PTGFRN: variants seen among roughly 807,000 people sequenced by gnomAD.
PTGFRN encodes prostaglandin F2 receptor negative regulator.
PTGFRN carries 35 observed loss-of-function variants against 83.2 expected under a neutral mutation model. That is an observed-to-expected ratio of 0.42 (90% confidence interval 0.32 to 0.56). PTGFRN has a LOEUF of 0.56. PTGFRN is among the 20% of genes least tolerant of loss of function. The pLI is 0.11. For synonymous variants in PTGFRN, 519 were observed against 498.6 expected (o/e 1.04, Z -0.55); for missense variants, 1,051 against 1,179.5 (o/e 0.89, Z 1.60).
intron 6 of PTGFRN, among the ~76,000 whole-genome samples, chr1:116,971,826 G>T (rs1409496837): frequency 1.3e-5 from 2 of 152,230 alleles, no homozygotes; most frequent in Non-Finnish European, 2.9e-5. Flanking sequence ...TTCGAATTAA[G>T]TAAGTCTTCT....
intron 1 of PTGFRN, among the ~76,000 whole-genome samples, chr1:116,911,160 G>A (rs899917274): frequency 2.0e-5 from 3 of 152,104 alleles, no homozygotes; most frequent in African/African-American, 7.2e-5. Context: ...TGCCCACCAT[G>A]GTACCCCAGG....
At chr1:116,914,817 G>A (rs375443230) in intron 1 of PTGFRN, among the ~76,000 whole-genome samples, 18 of 151,160 alleles carry the variant, frequency 1.2e-4, no homozygotes, top group East Asian at 5.8e-4. Context: ...CCTGCCTAAC[G>A]TGTGTGTGTC....
chr1:116,922,863 A>G (rs1214382892), intron 1 of PTGFRN, among the ~76,000 whole-genome samples: 3 of 152,248 alleles, frequency 2.0e-5, no homozygotes, highest in Non-Finnish European at 2.9e-5. Context: ...ACTGGAAGAT[A>G]GATGCACACA....
chr1:116,946,327 A>C (rs530076451), intron 3 of PTGFRN, among the ~76,000 whole-genome samples: 4 of 152,128 alleles, frequency 2.6e-5, no homozygotes, highest in Non-Finnish European at 5.9e-5. Context: ...GAGGTTCTTG[A>C]GTGACTATGG....
intron 8 of PTGFRN, 99 bp downstream of exon 8, chr1:116,985,084 G>A (rs188880298): frequency 1.6e-6 from 2 of 1,240,730 alleles, no homozygotes; most frequent in Admixed American, 4.2e-5. Context: ...TGAGGAATGT[G>A]CCATAGCACG....
rs1570685490 is a variant in PTGFRN at position 116,987,237 on chromosome 1, A to T, written c.*270A>T. 5.7e-6 allele frequency: 2 copies of T among 348,912 alleles called. No homozygotes were observed. The highest frequency in any genetic ancestry group is 5.3e-6 in the Non-Finnish European group (1 of 187,810). The allele number at this position is 348,912 out of a possible 1,614,324, so 21.6% of individuals were successfully genotyped here. On this transcript the variant is annotated 3_prime_UTR_variant, in exon 9 of 9. Transcript: ENST00000393203. Reference sequence around the variant, plus strand: ...CTTTTTAATGGTTAACCTTCATCTAATTTTTTTTCTCCCACTGGTTTATAG... The same window carrying T: ...CTTTTTAATGGTTAACCTTCATCTATTTTTTTTTCTCCCACTGGTTTATAG...
At chr1:116,930,044 CATT>C (rs1379288224) in intron 1 of PTGFRN, among the ~76,000 whole-genome samples, 4 of 152,190 alleles carry the variant, frequency 2.6e-5, no homozygotes, top group Non-Finnish European at 2.9e-5. Flanking sequence ...GCATGTTTGA[CATT>C]GTTGTTCATT....
At position 116,944,719 on chromosome 1, in the gene PTGFRN, C is replaced by G; in HGVS notation, c.459C>G (p.Pro153=). The G allele has an allele frequency of 4.8e-6, 7 of 1,452,286 alleles. No homozygotes were observed. Among genetic ancestry groups the G allele is most frequent in the South Asian group, 1.5e-5 (1 of 66,906 alleles). 90.0% of individuals were successfully genotyped at this position (1,452,286 alleles called of 1,614,324 possible). The change falls in exon 3 of 9, where the codon CCC becomes CCG. Residue 153 remains proline (P), a synonymous_variant. Coordinates refer to ENST00000393203, the MANE Select transcript of PTGFRN (RefSeq NM_020440.4). ...TGCACGTGGGCCCCAGCGCGCGGCC[C>G]CCGCCGAGCCTGAGCCTGCGGGAGG... ...DSLHVGPSAR[P]PPSLSLREGE...
chr1:116,974,296 A>G lies in PTGFRN; in HGVS notation c.2140A>G (p.Thr714Ala). The change falls in exon 7 of 9, where the codon ACT becomes GCT. Residue 714 changes from threonine to alanine, a missense_variant. This residue lies in a region of PTGFRN where 719 missense variants were observed against 836.6 expected (regional missense o/e 0.86). Transcript: ENST00000393203. ...TCTGATCAAATTGTTCTGTATCATC[A>G]CTGTCGAGGGAGCAGCACTGGATCC... ...GDLIKLFCII[T>A]VEGAALDPDD... The G allele has an allele frequency of 1.2e-6, 2 of 1,612,236 alleles. No homozygotes were observed. The highest frequency in any genetic ancestry group is 1.7e-6 in the Non-Finnish European group (2 of 1,178,290).
chr1:116,919,397 T>G (rs753091451), intron 1 of PTGFRN, among the ~76,000 whole-genome samples: 152 of 152,210 alleles, frequency 1.0e-3, no homozygotes, highest in Admixed American at 2.4e-3. Context: ...ACTACGCTTT[T>G]CTTTTCTTTT....
Position 116,977,574 on chromosome 1 carries a change from A to G in PTGFRN, c.2167+3251A>G, listed in dbSNP as rs185332677. ...GAACTCAGGTTAAGAAACTCACTCA[A>G]AATCGCTCAACTACATGGAAACTGA... On this transcript the variant is annotated intron_variant, in intron 7 of 8. Coordinates refer to ENST00000393203, the MANE Select transcript of PTGFRN (RefSeq NM_020440.4). Among the ~76,000 whole-genome samples, 212 of 152,344 alleles carry G rather than the reference A, an allele frequency of 1.4e-3. 2 individuals are homozygous for G. The highest frequency in any genetic ancestry group is 4.8e-3 in the African/African-American group (200 of 41,582).
chr1:116,926,090 G>A (rs1649652349), intron 1 of PTGFRN, among the ~76,000 whole-genome samples: 1 of 152,180 alleles, frequency 6.6e-6, no homozygotes, highest in Admixed American at 6.5e-5. Context: ...TGGGGAGGAG[G>A]GGTGGATGAG....
intron 1 of PTGFRN, among the ~76,000 whole-genome samples, chr1:116,937,628 A>G (rs1425860305): frequency 1.3e-5 from 2 of 152,212 alleles, no homozygotes; most frequent in Non-Finnish European, 2.9e-5. Context: ...ATCAGTTTCT[A>G]AAGCTCTGAT....
Position 116,988,857 on chromosome 1 carries a change from G to A in PTGFRN, c.*1890G>A, listed in dbSNP as rs1211924966. Reference sequence around the variant, plus strand: ...CGGGCAACAAGTATACCCCACCAGGGCCTGAGTGACTAGAGGAAGAGGACG... The same window carrying A: ...CGGGCAACAAGTATACCCCACCAGGACCTGAGTGACTAGAGGAAGAGGACG... On this transcript the variant is annotated 3_prime_UTR_variant, in exon 9 of 9. Transcript: ENST00000393203. 1 of 152,394 alleles carries A rather than the reference G, an allele frequency of 6.6e-6. No individual in the cohort carries two copies. The highest frequency in any genetic ancestry group is 2.4e-5 in the African/African-American group (1 of 41,452). 9.4% of individuals were successfully genotyped at this position (152,394 alleles called of 1,614,324 possible).
At chr1:116,946,334 A>G (rs559203632) in intron 3 of PTGFRN, among the ~76,000 whole-genome samples, 7 of 152,270 alleles carry the variant, frequency 4.6e-5, no homozygotes, top group Admixed American at 2.0e-4. Context: ...TTGAGTGACT[A>G]TGGCCATTGA....
In PTGFRN at chr1:116,984,979, A is replaced by T; in HGVS notation, c.2467A>T (p.Met823Leu). 1 of 1,612,924 alleles carries T rather than the reference A, an allele frequency of 6.2e-7. No homozygotes were observed. Among genetic ancestry groups the T allele is most frequent in the East Asian group, 2.2e-5 (1 of 44,842 alleles). The change falls in exon 8 of 9, where the codon ATG becomes TTG. Residue 823 changes from methionine to leucine, a missense_variant. Coordinates refer to ENST00000393203, the MANE Select transcript of PTGFRN (RefSeq NM_020440.4). ...CAAGCCCGTTTTTATAACTGTGAAG[A>T]TGGATGGTAAGAATGTCACCCAAAT... ...HSKPVFITVK[M>L]DVLNAFKYPL...
intron 1 of PTGFRN, among the ~76,000 whole-genome samples, chr1:116,933,066 T>A (rs1367628413): frequency 6.6e-6 from 1 of 152,192 alleles, no homozygotes; most frequent in Non-Finnish European, 1.5e-5. Flanking sequence ...ACACTGTACA[T>A]TATTATTCTT....
chr1:116,955,209 G>A (rs1190338350), intron 4 of PTGFRN, among the ~76,000 whole-genome samples: 2 of 152,186 alleles, frequency 1.3e-5, no homozygotes, highest in South Asian at 2.1e-4. Flanking sequence ...GAGATGGTGT[G>A]GACATGAGCA....
intron 4 of PTGFRN, among the ~76,000 whole-genome samples, chr1:116,956,461 C>T (rs956548538): frequency 1.3e-5 from 2 of 152,210 alleles, no homozygotes; most frequent in African/African-American, 4.8e-5. Flanking sequence ...AGATTGATTT[C>T]AGGGTGGAGA....
Sources: allele counts gnomAD v4.1 joint callset (sites outside exome capture counted in the v4.1 genomes callset), GRCh38; gene constraint gnomAD v4.1.1; regional missense constraint gnomAD v4.1.1; transcripts MANE v1.5; gene names NCBI Gene and HGNC (gene_info 2026-07-23, HGNC 2026-07-21).